MIGA1: variants seen among roughly 807,000 people sequenced by gnomAD.
MIGA1 encodes mitoguardin 1.
In MIGA1, 58 loss-of-function variants were observed where a neutral mutation model predicts 82.0. The ratio of observed to expected loss-of-function variants is 0.71; its 90% CI spans 0.57 to 0.88. The LOEUF (loss-of-function observed/expected upper bound fraction) is 0.88, where lower values mean the gene tolerates loss of function less well. Ranked by LOEUF, MIGA1 falls within the 40% of genes least tolerant of loss-of-function variation. MIGA1 has a pLI of 0.00. For synonymous variants in MIGA1, 249 were observed against 253.6 expected, an observed-to-expected ratio of 0.98 and a Z score of 0.17; for missense variants, 751 against 749.1, an observed-to-expected ratio of 1.00 and a Z score of -0.03.
chr1:77,783,195 G>A, intron 1 of MIGA1, 43 bp from the exon 2 acceptor site: 1 of 1,374,130 alleles, frequency 7.3e-7, no homozygotes, highest in South Asian at 1.3e-5. Context: ...AAAGTAACCA[G>A]AAATCTTTGT....
chr1:77,805,472 T>TG (rs1683060055), intron 4 of MIGA1, among the ~76,000 whole-genome samples: 1 of 150,630 alleles, frequency 6.6e-6, no homozygotes, highest in African/African-American at 2.4e-5. Flanking sequence ...TTTTTTTTTT[T>TG]TTTTTTTGTC....
chr1:77,811,064 A>T (rs1397499088), intron 5 of MIGA1: 1 of 1,613,356 alleles, frequency 6.2e-7, no homozygotes, highest in African/African-American at 1.3e-5. Flanking sequence ...AATTCAAAGA[A>T]GATAGCTGCA....
Position 77,801,452 on chromosome 1 carries a change from C to T in MIGA1, c.317C>T (p.Pro106Leu), listed in dbSNP as rs530750133. The T allele has an allele frequency of 2.8e-4, 453 of 1,606,844 alleles. 7 individuals are homozygous for T. In the South Asian group the frequency reaches 4.9e-3, roughly 17 times the overall value. ...GGAAAGAAGAAAGGAAAAATATTACCATGGGAACCAGAGCACCTCATACTT... is the reference window on the plus strand; with the variant it reads ...GGAAAGAAGAAAGGAAAAATATTACTATGGGAACCAGAGCACCTCATACTT... The change falls in exon 3 of 16, where the codon CCA becomes CTA. Residue 106 changes from proline (P) to leucine (L), a missense_variant. Pro to Leu is a moderately conservative substitution (Grantham distance 98, BLOSUM62 -3). Coordinates refer to ENST00000370791, the MANE Select transcript of MIGA1 (RefSeq NM_198549.4).
At chr1:77,845,951 T>C (rs906397773) in intron 8 of MIGA1, among the ~76,000 whole-genome samples, 25 of 151,978 alleles carry the variant, frequency 1.6e-4, no homozygotes, top group Non-Finnish European at 2.8e-4. Flanking sequence ...GAAAAGCTTT[T>C]TTTTTTTTTT....
chr1:77,833,850 G>A (rs1233803403), intron 7 of MIGA1, among the ~76,000 whole-genome samples: 1 of 152,176 alleles, frequency 6.6e-6, no homozygotes, highest in Non-Finnish European at 1.5e-5. Flanking sequence ...AGGGGGGAGG[G>A]TGTAGAAAAT....
In MIGA1 at chr1:77,869,390, C is replaced by T. The variant is rs1040334469; in HGVS notation, c.1563+2999C>T. Among the ~76,000 whole-genome samples the T allele has an allele frequency of 2.7e-4, 40 of 150,116 alleles. 1 individual carries two copies. Among genetic ancestry groups the T allele is most frequent in the Non-Finnish European group, 4.0e-4 (27 of 67,504 alleles). ...ATCCGATTTCTCAATTTTTTCCCCA[C>T]TCTTCCTGCCTTTCTATTCCACAAA... On this transcript the variant is annotated intron_variant, in intron 14 of 15. Coordinates refer to ENST00000370791, the MANE Select transcript of MIGA1 (RefSeq NM_198549.4).
At chr1:77,785,341 A>C (rs1682111646) in intron 2 of MIGA1, among the ~76,000 whole-genome samples, 1 of 151,946 alleles carries the variant, frequency 6.6e-6, no homozygotes, top group African/African-American at 2.4e-5. Context: ...CAGGGCAGTC[A>C]AAAATTTTTT....
chr1:77,827,604 A>G (rs935270202), intron 7 of MIGA1, among the ~76,000 whole-genome samples: 69 of 152,342 alleles, frequency 4.5e-4, no homozygotes, highest in African/African-American at 1.6e-3. Context: ...CACTTTGTCC[A>G]GCTCAGAAGG....
chr1:77,871,112 A>AGGGAGC (rs1685971377), intron 14 of MIGA1, among the ~76,000 whole-genome samples: 1 of 10,618 alleles, frequency 9.4e-5, no homozygotes. Flanking sequence ...GGAGAGGGAG[A>AGGGAGC]GGGAGAGGGA....
At chr1:77,869,805 G>A (rs1685854461) in intron 14 of MIGA1, among the ~76,000 whole-genome samples, 1 of 106,936 alleles carries the variant, frequency 9.4e-6, no homozygotes, top group Non-Finnish European at 1.9e-5. Flanking sequence ...CTTCCCAGTA[G>A]GGGCGGCCGG....
intron 7 of MIGA1, among the ~76,000 whole-genome samples, chr1:77,832,446 G>A (rs538531652): frequency 6.6e-6 from 1 of 152,352 alleles, no homozygotes; most frequent in East Asian, 1.9e-4. Flanking sequence ...TACACAGACA[G>A]TGGAGTAAGT....
chr1:77,812,952 A>G (rs1039930746), intron 5 of MIGA1, among the ~76,000 whole-genome samples: 2 of 152,078 alleles, frequency 1.3e-5, no homozygotes, highest in Non-Finnish European at 2.9e-5. Flanking sequence ...CTTTTATTTT[A>G]GACTTCTATA....
chr1:77,874,099 C>T (rs945604186), intron 15 of MIGA1, among the ~76,000 whole-genome samples: 3 of 152,046 alleles, frequency 2.0e-5, no homozygotes, highest in Non-Finnish European at 4.4e-5. Context: ...TTCTTAATAA[C>T]GTTTGGAAGA....
chr1:77,854,978 G>A (rs1402958052), intron 8 of MIGA1, among the ~76,000 whole-genome samples: 1 of 152,206 alleles, frequency 6.6e-6, no homozygotes, highest in Non-Finnish European at 1.5e-5. Flanking sequence ...CTAAGCCAAT[G>A]TCTAGAAGGG....
At chr1:77,826,304 A>G (rs1450691036) in intron 7 of MIGA1, among the ~76,000 whole-genome samples, 2 of 152,202 alleles carry the variant, frequency 1.3e-5, no homozygotes. Flanking sequence ...GGTGCTTTTT[A>G]TAAATCTACC....
intron 8 of MIGA1, among the ~76,000 whole-genome samples, chr1:77,857,322 G>GT (rs58521309): frequency 0.016 from 2,266 of 144,124 alleles, 52 homozygotes; most frequent in African/African-American, 0.053. Context: ...GTGTACTTTG[G>GT]TTTTTTTTTT....
chr1:77,793,088 G>A (rs781288930), intron 2 of MIGA1, among the ~76,000 whole-genome samples: 4 of 151,838 alleles, frequency 2.6e-5, no homozygotes, highest in Non-Finnish European at 5.9e-5. Flanking sequence ...ACAGCACCCG[G>A]CCTGTTTTTT....
rs1026790817 is a variant in MIGA1 at position 77,877,479 on chromosome 1, C to T, written c.*2415C>T. ...TTAGAAGTACCAAAACTAAAAATTC[C>T]ATTATGTACTGTTTACTTTTTATTT... On this transcript the variant is annotated 3_prime_UTR_variant, in exon 16 of 16. Coordinates refer to ENST00000370791, the MANE Select transcript of MIGA1 (RefSeq NM_198549.4). The T allele has an allele frequency of 1.3e-5, 2 of 152,210 alleles. No individual in the cohort carries two copies. The highest frequency in any genetic ancestry group is 4.8e-5 in the African/African-American group (2 of 41,530). The allele number at this position is 152,210 out of a possible 1,614,324, so 9.4% of individuals were successfully genotyped here. A position where few individuals can be genotyped will look rare whatever the true frequency, so the allele number is the denominator to read the frequency against.
intron 2 of MIGA1, among the ~76,000 whole-genome samples, chr1:77,787,243 G>C (rs1557893056): frequency 6.6e-6 from 1 of 152,306 alleles, no homozygotes; most frequent in East Asian, 1.9e-4. Flanking sequence ...AGATTTGGGT[G>C]GGGACACAGC....
Sources: allele counts gnomAD v4.1 joint callset (sites outside exome capture counted in the v4.1 genomes callset), GRCh38; gene constraint gnomAD v4.1.1; transcripts MANE v1.5; gene names NCBI Gene and HGNC (gene_info 2026-07-23, HGNC 2026-07-21).